TPGS2: variants seen among roughly 807,000 people sequenced by gnomAD.
TPGS2 encodes the protein polyglutamylase subunit 2.
A neutral mutation model predicts 31.1 loss-of-function variants in TPGS2; 26 were observed. The ratio of observed to expected loss-of-function variants is 0.84; its 90% CI spans 0.61 to 1.16. TPGS2 has a LOEUF of 1.16. Ranked by LOEUF, TPGS2 falls within the 50% of genes most tolerant of loss-of-function variation. The pLI, the probability that TPGS2 is intolerant of heterozygous loss-of-function variation, is 0.00. For synonymous variants in TPGS2, 130 were observed against 136.6 expected, an observed-to-expected ratio of 0.95 and a Z score of 0.34; for missense variants, 351 against 363.8, an observed-to-expected ratio of 0.96 and a Z score of 0.29.
chr18:36,801,402 T>C (rs1347479832), intron 4 of TPGS2, among the ~76,000 whole-genome samples: 1 of 152,172 alleles, frequency 6.6e-6, no homozygotes, highest in Admixed American at 6.5e-5. Flanking sequence ...CATGTGAACA[T>C]GGTTCATTGT....
chr18:36,800,360 C>CACAT (rs1277735708), intron 4 of TPGS2, 49 bp from the exon 5 acceptor site: 1 of 1,529,950 alleles, frequency 6.5e-7, no homozygotes, highest in Non-Finnish European at 9.1e-7. Flanking sequence ...TCAACTCAAA[C>CACAT]ACATACCTAT....
At chr18:36,786,285 A>G (rs1344384680) in intron 6 of TPGS2, among the ~76,000 whole-genome samples, 2 of 152,154 alleles carry the variant, frequency 1.3e-5, no homozygotes, top group Non-Finnish European at 2.9e-5. Context: ...CAGTGGCGCA[A>G]TCTCGGTTCA....
chr18:36,811,467 A>T (rs776336123), intron 2 of TPGS2, among the ~76,000 whole-genome samples: 38 of 152,178 alleles, frequency 2.5e-4, no homozygotes, highest in Non-Finnish European at 4.7e-4. Context: ...AAAATATATA[A>T]ATATTGGCCT....
rs573128227 is a variant in TPGS2, at chr18:36,802,486, A to AT, written c.383-2176dup. Among the ~76,000 whole-genome samples the AT allele has an allele frequency of 4.8e-4, 71 of 147,200 alleles. 1 individual carries two copies. Among genetic ancestry groups the AT allele is most frequent in the Middle Eastern group, 3.5e-3 (1 of 286 alleles). On this transcript the variant is annotated intron_variant, in intron 4 of 6. Transcript: ENST00000334295. The stretch of plus-strand genomic sequence containing the variant: ...TTATAAACACAATGTCAATATACGA[A>AT]TTTTTTTTTTTTCAAATCTACAATG...
chr18:36,799,073 C>T (rs930696678), intron 5 of TPGS2, among the ~76,000 whole-genome samples: 5 of 152,142 alleles, frequency 3.3e-5, no homozygotes, highest in African/African-American at 1.2e-4. Context: ...GGAGCTTAGC[C>T]CAGTTCACTC....
In TPGS2 at chr18:36,800,244, G is replaced by A. The variant is rs1357258136; in HGVS notation, c.450C>T (p.Cys150=). 1 of 1,614,144 alleles carries A rather than the reference G, an allele frequency of 6.2e-7. No individual in the cohort carries two copies. Among genetic ancestry groups the A allele is most frequent in the Non-Finnish European group, 8.5e-7 (1 of 1,180,008 alleles). The change falls in exon 5 of 7, where the codon TGC becomes TGT. Residue 150 remains cysteine, a synonymous_variant. Transcript: ENST00000334295. ...CAAGGCAAACTTTCCCACTGCCATTGCATGAATCCAGCTCAAATATCACAC... is the reference window on the plus strand; with the variant it reads ...CAAGGCAAACTTTCCCACTGCCATTACATGAATCCAGCTCAAATATCACAC... ...SRSVIFELDS[C]NGSGKVCLVY... is the part of the protein sequence containing the mutation.
At chr18:36,808,817 C>A (rs1001580460) in intron 2 of TPGS2, among the ~76,000 whole-genome samples, 1 of 152,054 alleles carries the variant, frequency 6.6e-6, no homozygotes, top group Non-Finnish European at 1.5e-5. Flanking sequence ...TCAGGAGATA[C>A]CAGGAACAAG....
intron 2 of TPGS2, among the ~76,000 whole-genome samples, chr18:36,810,096 C>T (rs1349361935): frequency 1.3e-5 from 2 of 152,182 alleles, no homozygotes; most frequent in African/African-American, 4.8e-5. Context: ...CAATCCCTCA[C>T]TGTCATTCTA....
Position 36,822,320 on chromosome 18 carries a change from G to A in TPGS2, c.86-3347C>T, listed in dbSNP as rs2045930483. Among the ~76,000 whole-genome samples, 5 of 152,196 alleles carry A rather than the reference G, an allele frequency of 3.3e-5. No individual in the cohort carries two copies. The South Asian group carries it at 1.0e-3, about 32-fold the overall frequency. ...ACAAGAGGGAACACTTCAGAAGCCT[G>A]TGCATGGATTCCTCTAGATTCTAAC... On this transcript the variant is annotated intron_variant, in intron 1 of 6. Coordinates refer to ENST00000334295, the MANE Select transcript of TPGS2 (RefSeq NM_015476.4).
intron 6 of TPGS2, chr18:36,797,929 AAGATG>A: frequency 6.2e-6 from 1 of 160,336 alleles, no homozygotes. Context: ...AATAAGCCCC[AAGATG>A]GAGTGTTATG....
At chr18:36,816,704 G>T (rs184331380) in intron 2 of TPGS2, among the ~76,000 whole-genome samples, 3 of 152,274 alleles carry the variant, frequency 2.0e-5, no homozygotes, top group African/African-American at 7.2e-5. Context: ...CGCCTCCCAG[G>T]TTCAAGCGAT....
chr18:36,819,903 GAAC>G (rs1307093690), intron 1 of TPGS2, among the ~76,000 whole-genome samples: 1 of 152,294 alleles, frequency 6.6e-6, no homozygotes, highest in African/African-American at 2.4e-5. Context: ...CTCATAAAAA[GAAC>G]AACATGTAGC....
At chr18:36,798,315 G>A in intron 6 of TPGS2, 134 bp downstream of exon 6, 1 of 1,510,430 alleles carries the variant, frequency 6.6e-7, no homozygotes, top group Non-Finnish European at 8.9e-7. Flanking sequence ...CTTGCTTATT[G>A]AAAATGCAGG....
intron 2 of TPGS2, among the ~76,000 whole-genome samples, chr18:36,815,212 G>T (rs1259668973): frequency 2.0e-5 from 3 of 152,130 alleles, no homozygotes; most frequent in Non-Finnish European, 4.4e-5. Context: ...CAGCAGGGGT[G>T]GCTTATCAAG....
chr18:36,808,057 G>A, intron 2 of TPGS2, 123 bp from the exon 3 acceptor site: 1 of 913,468 alleles, frequency 1.1e-6, no homozygotes, highest in Non-Finnish European at 1.7e-6. Context: ...GGCTCTGATA[G>A]TCACCTACAA....
intron 1 of TPGS2, among the ~76,000 whole-genome samples, chr18:36,822,925 AGTTAT>A (rs2150695408): frequency 6.6e-6 from 1 of 152,362 alleles, no homozygotes; most frequent in African/African-American, 2.4e-5. Flanking sequence ...ATGTTATGAC[AGTTAT>A]GTTTGGTCTA....
At chr18:36,803,141 TA>T (rs1183586624) in intron 4 of TPGS2, among the ~76,000 whole-genome samples, 1 of 152,186 alleles carries the variant, frequency 6.6e-6, no homozygotes, top group Non-Finnish European at 1.5e-5. Context: ...TGAGAACATT[TA>T]AAATCCTTTC....
downstream of TPGS2, among the ~76,000 whole-genome samples, chr18:36,791,590 G>C (rs1473167380): frequency 1.3e-5 from 2 of 152,142 alleles, no homozygotes; most frequent in African/African-American, 4.8e-5. Flanking sequence ...GGAAACAAAG[G>C]GGCAAAAGAG....
At chr18:36,789,421 GA>G (rs1271888865), downstream of TPGS2, 1 of 152,166 alleles carries the variant, frequency 6.6e-6, no homozygotes, top group African/African-American at 2.4e-5. Flanking sequence ...CTGAATACTT[GA>G]AATGTGGCTG....
Sources: gnomAD v4.1 joint callset for allele counts (sites outside exome capture counted in the v4.1 genomes callset) on GRCh38, gnomAD v4.1.1 for gene constraint, MANE v1.5 for transcripts, NCBI Gene and HGNC (gene_info 2026-07-23, HGNC 2026-07-21) for gene names.